WDPCP: variants seen among roughly 807,000 people sequenced by gnomAD.
The protein encoded by WDPCP is WD repeat-containing and planar cell polarity effector protein fritz homolog.
A neutral mutation model predicts 93.1 loss-of-function variants in WDPCP; 71 were observed. The observed-to-expected ratio is 0.76, with a 90% CI of 0.63 to 0.93. The LOEUF (loss-of-function observed/expected upper bound fraction) is 0.93. WDPCP is among the 40% of genes least tolerant of loss of function. The probability of loss-of-function intolerance (pLI) is 0.00; values close to 1 mark genes in which losing one functional copy is unlikely to be tolerated. For synonymous variants in WDPCP, 315 were observed against 315.0 expected, an observed-to-expected ratio of 1.00 and a Z score of 0.00; for missense variants, 844 against 887.4, an observed-to-expected ratio of 0.95 and a Z score of 0.62.
chr2:63,182,238 C>A (rs1171237054), intron 14 of WDPCP, among the ~76,000 whole-genome samples: 1 of 151,948 alleles, frequency 6.6e-6, no homozygotes. Context: ...CTTCGGGAGA[C>A]TGCTTTCAAA....
intron 14 of WDPCP, among the ~76,000 whole-genome samples, chr2:63,207,680 G>T (rs191108470): frequency 6.6e-6 from 1 of 152,112 alleles, no homozygotes; most frequent in African/African-American, 2.4e-5. Flanking sequence ...AATGCTCAGA[G>T]GATTTCATTA....
chr2:63,172,929 C>G (rs1673506828), intron 15 of WDPCP, among the ~76,000 whole-genome samples: 1 of 151,888 alleles, frequency 6.6e-6, no homozygotes, highest in Non-Finnish European at 1.5e-5. Context: ...AAATACTGGA[C>G]AAGAGAAAAC....
At chr2:63,413,720 C>G (rs1375484762) in intron 9 of WDPCP, among the ~76,000 whole-genome samples, 2 of 152,080 alleles carry the variant, frequency 1.3e-5, no homozygotes, top group Non-Finnish European at 2.9e-5. Flanking sequence ...ATGGTGTGAA[C>G]CTGGGAGGTG....
At chr2:63,690,784 A>G (rs983629383) in intron 2 of WDPCP, among the ~76,000 whole-genome samples, 11 of 152,056 alleles carry the variant, frequency 7.2e-5, no homozygotes, top group Non-Finnish European at 1.5e-4. Context: ...AAACCCACAA[A>G]AAACTTCAAG....
intron 1 of WDPCP, among the ~76,000 whole-genome samples, chr2:63,585,228 C>T (rs1469002661): frequency 6.6e-6 from 1 of 152,144 alleles, no homozygotes; most frequent in African/African-American, 2.4e-5. Context: ...GGAATTACTA[C>T]GTTTAAGATT....
intron 6 of WDPCP, among the ~76,000 whole-genome samples, chr2:63,443,552 A>G (rs1697645239): frequency 6.6e-6 from 1 of 152,206 alleles, no homozygotes; most frequent in Admixed American, 6.6e-5. Context: ...ATATTCATAG[A>G]GGATGAAGTC....
At chr2:63,542,019 A>G (rs551264627) in intron 1 of WDPCP, among the ~76,000 whole-genome samples, 4 of 152,208 alleles carry the variant, frequency 2.6e-5, no homozygotes, top group Admixed American at 2.0e-4. Flanking sequence ...CACACTCTCT[A>G]TCAGTTCTCT....
chr2:63,503,910 A>G (rs1701709553), intron 1 of WDPCP, among the ~76,000 whole-genome samples: 1 of 147,796 alleles, frequency 6.8e-6, no homozygotes, highest in African/African-American at 2.4e-5. Context: ...CTCAAATGAA[A>G]AAAAAAAAAA....
chr2:63,769,630 A>G (rs1297872844), intron 2 of WDPCP, among the ~76,000 whole-genome samples: 5 of 151,914 alleles, frequency 3.3e-5, no homozygotes, highest in East Asian at 1.9e-4. Flanking sequence ...TACAGAATCT[A>G]TACGGAATAA....
intron 1 of WDPCP, among the ~76,000 whole-genome samples, chr2:63,497,830 T>A (rs1701323724): frequency 6.6e-6 from 1 of 152,140 alleles, no homozygotes; most frequent in Non-Finnish European, 1.5e-5. Flanking sequence ...TAAATAGTTG[T>A]TTTGAAGGAG....
At chr2:63,643,390 G>A in intron 3 of WDPCP, 1 of 348,644 alleles carries the variant, frequency 2.9e-6, no homozygotes, top group South Asian at 2.6e-5. Flanking sequence ...AAAAATGTTG[G>A]AAAGGTGGGT....
At chr2:63,180,570 G>GT (rs1674166783) in intron 14 of WDPCP, among the ~76,000 whole-genome samples, 2 of 152,034 alleles carry the variant, frequency 1.3e-5, no homozygotes, top group Admixed American at 1.3e-4. Context: ...TACATTTTCT[G>GT]TATCTAGTCC....
At position 63,576,285 on chromosome 2, in the gene WDPCP, G is replaced by A. The variant is rs183906929; in HGVS notation, c.75+11912C>T. Among the ~76,000 whole-genome samples the A allele has an allele frequency of 8.6e-5, 13 of 151,970 alleles. No homozygotes were observed. The South Asian group carries it at 1.3e-3, about 15-fold the overall frequency. On this transcript the variant is annotated intron_variant, in intron 1 of 17. Transcript: ENST00000272321. ...TCACAAACCCCATGTTGTGACCTGC[G>A]CATCTGACCAACTGGCTATATATCA...
intron 14 of WDPCP, chr2:63,229,891 G>GAA (rs559412469): frequency 1.2e-4 from 14 of 115,100 alleles, no homozygotes; most frequent in South Asian, 5.0e-4. Flanking sequence ...CCAGAAAAAG[G>GAA]AAAAAAAAAA....
intron 12 of WDPCP, among the ~76,000 whole-genome samples, chr2:63,365,488 C>T (rs1690830966): frequency 6.6e-6 from 1 of 151,886 alleles, no homozygotes; most frequent in East Asian, 1.9e-4. Flanking sequence ...GTGAGAACTA[C>T]AAAAAAAATT....
intron 14 of WDPCP, among the ~76,000 whole-genome samples, chr2:63,198,907 C>T (rs1559195360): frequency 6.6e-6 from 1 of 152,110 alleles, no homozygotes; most frequent in Non-Finnish European, 1.5e-5. Context: ...TTTGGAGCTT[C>T]TTAGAGACTG....
chr2:63,378,873 T>C (rs887442269), intron 11 of WDPCP, among the ~76,000 whole-genome samples: 1 of 152,146 alleles, frequency 6.6e-6, no homozygotes. Context: ...TGTCTTTGGC[T>C]AAAAGGAGAA....
At chr2:63,628,582 C>T (rs897706057) in intron 3 of WDPCP, among the ~76,000 whole-genome samples, 1 of 152,108 alleles carries the variant, frequency 6.6e-6, no homozygotes, top group Non-Finnish European at 1.5e-5. Context: ...GAAAATTTTT[C>T]AAGCTTCTGT....
chr2:63,681,417 G>T (rs1710490049), intron 2 of WDPCP, among the ~76,000 whole-genome samples: 3 of 152,142 alleles, frequency 2.0e-5, no homozygotes, highest in Admixed American at 1.3e-4. Context: ...TACTCCCCAT[G>T]GGCCTATGGT....
Sources: allele counts gnomAD v4.1 joint callset (sites outside exome capture counted in the v4.1 genomes callset), GRCh38; gene constraint gnomAD v4.1.1; transcripts MANE v1.5; gene names NCBI Gene and HGNC (gene_info 2026-07-23, HGNC 2026-07-21).